CACNB4: variants seen among roughly 807,000 people sequenced by gnomAD.
The protein encoded by CACNB4 is voltage-dependent L-type calcium channel subunit beta-4.
In CACNB4, 32 loss-of-function variants were observed where a neutral mutation model predicts 71.2. That is an observed-to-expected ratio of 0.45 (90% CI 0.34 to 0.60). The LOEUF (loss-of-function observed/expected upper bound fraction) is 0.60. Among genes scored for constraint, CACNB4 ranks in the 20% least tolerant of loss-of-function variants. CACNB4 has a pLI of 0.01. For missense variants in CACNB4, 464 were observed against 647.9 expected, an observed-to-expected ratio of 0.72 and a Z score of 3.08; for synonymous variants, 231 against 236.9, an observed-to-expected ratio of 0.97 and a Z score of 0.23.
At chr2:151,847,975 G>A (rs1268731798) in intron 12 of CACNB4, among the ~76,000 whole-genome samples, 1 of 152,118 alleles carries the variant, frequency 6.6e-6, no homozygotes, top group Non-Finnish European at 1.5e-5. Flanking sequence ...TAAAATGAGG[G>A]CAAAAAATAT....
At chr2:152,045,032 AGAT>A (rs1325523979) in intron 2 of CACNB4, among the ~76,000 whole-genome samples, 2 of 152,212 alleles carry the variant, frequency 1.3e-5, no homozygotes, top group African/African-American at 4.8e-5. Context: ...CAAGGGCATG[AGAT>A]GATATTGGTC....
chr2:151,955,007 C>T (rs139478987), intron 2 of CACNB4, among the ~76,000 whole-genome samples: 18,240 of 151,982 alleles, frequency 0.12, 1,345 homozygotes, highest in Middle Eastern at 0.29. Context: ...GCACCCGCCA[C>T]GATGCCCAGC....
At chr2:152,079,844 A>T (rs1375881185) in intron 2 of CACNB4, among the ~76,000 whole-genome samples, 2 of 152,264 alleles carry the variant, frequency 1.3e-5, no homozygotes, top group African/African-American at 4.8e-5. Flanking sequence ...CCAGAAAAGT[A>T]CATCCATCAC....
rs1028328704 is a variant in CACNB4 at position 151,835,288 on chromosome 2, A to G, written c.*3831T>C. 1.3e-5 allele frequency: 2 copies of G among 152,008 alleles called. No homozygotes were observed. The highest frequency in any genetic ancestry group is 2.9e-5 in the Non-Finnish European group (2 of 67,830). The allele number at this position is 152,008 out of a possible 1,614,324, so 9.4% of individuals were successfully genotyped here. On this transcript the variant is annotated 3_prime_UTR_variant, in exon 14 of 14. Transcript: ENST00000539935. ...AACCAATTCAAAGAAAACTTCACTA[A>G]CGTGGAAGAAATGAAAGGGTGCCAA... is the stretch of plus-strand genomic sequence containing the variant.
Position 151,869,089 on chromosome 2 carries a change from A to G in CACNB4, c.758+88T>C, listed in dbSNP as rs576104374. 84 of 783,106 alleles carry G rather than the reference A, an allele frequency of 1.1e-4. No individual in the cohort carries two copies. In the African/African-American group the frequency reaches 1.3e-3, roughly 12 times the overall value. 48.5% of individuals were successfully genotyped at this position (783,106 alleles called of 1,614,324 possible). A position where few individuals can be genotyped will look rare whatever the true frequency, so the allele number is the denominator to read the frequency against. ...AACTTTTAACTAGAGAACTTCTGAAATCTCTGGAAACATAGATCTACAATT... is the reference window on the plus strand; with the variant it reads ...AACTTTTAACTAGAGAACTTCTGAAGTCTCTGGAAACATAGATCTACAATT... On this transcript the variant is annotated intron_variant, in intron 9 of 13. Transcript: ENST00000539935.
At chr2:152,014,343 T>C (rs1254814069) in intron 2 of CACNB4, among the ~76,000 whole-genome samples, 2 of 151,688 alleles carry the variant, frequency 1.3e-5, no homozygotes, top group Non-Finnish European at 2.9e-5. Context: ...TGAGACTCCA[T>C]CTCAAAAACA....
chr2:151,982,982 T>C (rs1156315208), intron 2 of CACNB4, among the ~76,000 whole-genome samples: 4 of 152,150 alleles, frequency 2.6e-5, no homozygotes, highest in African/African-American at 9.7e-5. Context: ...TTCTTCTAAT[T>C]CTCCTTTCAT....
chr2:151,915,630 G>A (rs903640302), intron 2 of CACNB4, among the ~76,000 whole-genome samples: 6 of 152,112 alleles, frequency 3.9e-5, no homozygotes, highest in Non-Finnish European at 8.8e-5. Context: ...ATTGCCTGAG[G>A]TCAGGAGCTC....
At chr2:152,041,836 A>G (rs1684888496) in intron 2 of CACNB4, among the ~76,000 whole-genome samples, 1 of 152,256 alleles carries the variant, frequency 6.6e-6, no homozygotes, top group African/African-American at 2.4e-5. Flanking sequence ...TAACATCCAC[A>G]TAGAAGTCAG....
At chr2:151,892,719 G>A (rs1478862224) in intron 2 of CACNB4, among the ~76,000 whole-genome samples, 2 of 152,158 alleles carry the variant, frequency 1.3e-5, no homozygotes, top group East Asian at 1.9e-4. Context: ...CAGTTTTGTG[G>A]TCCTCAGAGT....
At chr2:151,978,023 G>T (rs1371996549) in intron 2 of CACNB4, among the ~76,000 whole-genome samples, 1 of 152,202 alleles carries the variant, frequency 6.6e-6, no homozygotes, top group Non-Finnish European at 1.5e-5. Flanking sequence ...AAATCTGTGT[G>T]GCATTGCAAG....
intron 2 of CACNB4, among the ~76,000 whole-genome samples, chr2:151,902,500 A>C (rs1478676987): frequency 1.3e-5 from 2 of 152,200 alleles, no homozygotes; most frequent in African/African-American, 4.8e-5. Context: ...TAAATGAAAA[A>C]GGGCTCTTCA....
intron 2 of CACNB4, among the ~76,000 whole-genome samples, chr2:152,058,939 G>A (rs969443074): frequency 1.3e-5 from 2 of 152,258 alleles, no homozygotes; most frequent in Admixed American, 1.3e-4. Context: ...GTGGCTAAAA[G>A]GGGCGAAGGT....
At chr2:151,971,839 T>C (rs1042785274) in intron 2 of CACNB4, 13 of 516,626 alleles carry the variant, frequency 2.5e-5, no homozygotes, top group Admixed American at 9.7e-5. Flanking sequence ...CAACTGAGGA[T>C]TGGCCAGATG....
At chr2:152,002,372 G>A (rs970968942) in intron 2 of CACNB4, among the ~76,000 whole-genome samples, 4 of 152,096 alleles carry the variant, frequency 2.6e-5, no homozygotes, top group African/African-American at 9.7e-5. Context: ...CAAATCATGT[G>A]GAGCTGATAT....
intron 2 of CACNB4, among the ~76,000 whole-genome samples, chr2:151,898,442 G>A (rs988048523): frequency 4.6e-5 from 7 of 152,036 alleles, no homozygotes; most frequent in Admixed American, 3.3e-4. Context: ...TCAACAAAAC[G>A]AGCCAACCCA....
chr2:151,974,418 G>A (rs1200447396), intron 2 of CACNB4, among the ~76,000 whole-genome samples: 3 of 152,184 alleles, frequency 2.0e-5, no homozygotes, highest in South Asian at 4.1e-4. Context: ...AAGATTTCTT[G>A]TGGGAATTTC....
At chr2:151,934,188 C>T (rs2099862355) in intron 2 of CACNB4, among the ~76,000 whole-genome samples, 1 of 152,196 alleles carries the variant, frequency 6.6e-6, no homozygotes, top group Admixed American at 6.5e-5. Context: ...GGGAGTGTTA[C>T]CTATGTGAAA....
chr2:151,943,076 G>A (rs2099864673), intron 2 of CACNB4, among the ~76,000 whole-genome samples: 1 of 151,866 alleles, frequency 6.6e-6, no homozygotes, highest in African/African-American at 2.4e-5. Flanking sequence ...CCTACTCTCT[G>A]TTATTACACC....
Sources: allele counts gnomAD v4.1 joint callset (sites outside exome capture counted in the v4.1 genomes callset), GRCh38; gene constraint gnomAD v4.1.1; transcripts MANE v1.5; gene names NCBI Gene and HGNC (gene_info 2026-07-23, HGNC 2026-07-21).